Variants in ENOX1 observed in about 807,000 individuals in gnomAD.
The protein encoded by ENOX1 is ecto-NOX disulfide-thiol exchanger 1, also known as candidate growth-related and time keeping constitutive hydroquinone (NADH) oxidase.
A neutral mutation model predicts 82.5 loss-of-function variants in ENOX1; 42 were observed. That is an observed-to-expected ratio of 0.51 (90% confidence interval 0.40 to 0.66). The LOEUF (loss-of-function observed/expected upper bound fraction) is 0.66, where lower values mean the gene tolerates loss of function less well. Among genes scored for constraint, ENOX1 ranks in the 30% least tolerant of loss-of-function variants. ENOX1 has a pLI of 0.00. For missense variants in ENOX1, 608 were observed against 811.6 expected (o/e 0.75, Z 3.05); for synonymous variants, 271 against 282.2 (o/e 0.96, Z 0.40).
intron 11 of ENOX1, among the ~76,000 whole-genome samples, chr13:43,300,636 G>C (rs2046518292): frequency 6.6e-6 from 1 of 152,192 alleles, no homozygotes; most frequent in South Asian, 2.1e-4. Context: ...GAGAGAAAGG[G>C]AATCCACGTC....
intron 2 of ENOX1, among the ~76,000 whole-genome samples, chr13:43,485,369 C>G (rs1053282044): frequency 2.0e-5 from 3 of 152,174 alleles, no homozygotes; most frequent in Admixed American, 6.5e-5. Context: ...AGACTTTTGT[C>G]TGTCCTGAAC....
intron 9 of ENOX1, among the ~76,000 whole-genome samples, chr13:43,340,923 G>A (rs761643011): frequency 6.6e-6 from 1 of 152,120 alleles, no homozygotes; most frequent in Non-Finnish European, 1.5e-5. Context: ...CTCTTCCTTT[G>A]TGATGCCTGC....
intron 1 of ENOX1, among the ~76,000 whole-genome samples, chr13:43,684,555 T>C (rs890231321): frequency 2.0e-5 from 3 of 152,148 alleles, no homozygotes; most frequent in African/African-American, 7.2e-5. Context: ...ATCAGTCCCA[T>C]GATAGCACCT....
chr13:43,429,973 GTTC>G (rs1389399408), intron 3 of ENOX1, among the ~76,000 whole-genome samples: 5 of 152,272 alleles, frequency 3.3e-5, no homozygotes, highest in South Asian at 4.1e-4. Flanking sequence ...ACAGTTTTAT[GTTC>G]TTATTTTATG....
At chr13:43,512,269 C>A (rs1217625299) in intron 2 of ENOX1, among the ~76,000 whole-genome samples, 1 of 152,024 alleles carries the variant, frequency 6.6e-6, no homozygotes, top group African/African-American at 2.4e-5. Context: ...TTCTAATTAC[C>A]CAGCACGGTT....
At chr13:43,507,713 T>C (rs754177485) in intron 2 of ENOX1, among the ~76,000 whole-genome samples, 3 of 152,028 alleles carry the variant, frequency 2.0e-5, no homozygotes, top group Non-Finnish European at 4.4e-5. Flanking sequence ...AAGATGCCTG[T>C]GTACCAGTTA....
chr13:43,475,243 C>T (rs2058230565), intron 3 of ENOX1, among the ~76,000 whole-genome samples: 1 of 152,114 alleles, frequency 6.6e-6, no homozygotes, highest in African/African-American at 2.4e-5. Context: ...TACTTAAAAA[C>T]ATATGTGAGC....
At chr13:43,291,508 C>T (rs534568002) in intron 12 of ENOX1, among the ~76,000 whole-genome samples, 1 of 152,308 alleles carries the variant, frequency 6.6e-6, no homozygotes, top group South Asian at 2.1e-4. Flanking sequence ...GCTATCTTCA[C>T]TCCAAAGTGT....
chr13:43,752,415 T>C (rs1005226271), intron 1 of ENOX1, among the ~76,000 whole-genome samples: 4 of 152,230 alleles, frequency 2.6e-5, no homozygotes, highest in Non-Finnish European at 4.4e-5. Flanking sequence ...TGTTCTTCTA[T>C]GAATTGCACT....
chr13:43,616,292 T>G (rs1405598224), intron 2 of ENOX1, among the ~76,000 whole-genome samples: 1 of 130,286 alleles, frequency 7.7e-6, no homozygotes, highest in Admixed American at 8.1e-5. Context: ...AACCTCTAAC[T>G]CCTGGGTTCA....
intron 5 of ENOX1, among the ~76,000 whole-genome samples, chr13:43,385,763 G>A (rs934771090): frequency 5.3e-5 from 8 of 152,128 alleles, no homozygotes; most frequent in African/African-American, 1.9e-4. Flanking sequence ...AAATTGGAAG[G>A]AAATACATCA....
At chr13:43,236,550 A>T in intron 15 of ENOX1, 86 bp downstream of exon 15, 1 of 782,666 alleles carries the variant, frequency 1.3e-6, no homozygotes, top group Non-Finnish European at 1.9e-6. Context: ...AATGCTGTTT[A>T]AATTAATAAG....
chr13:43,337,764 CACTTAG>C (rs989479607), intron 9 of ENOX1, among the ~76,000 whole-genome samples: 2 of 152,116 alleles, frequency 1.3e-5, no homozygotes, highest in Non-Finnish European at 2.9e-5. Flanking sequence ...CACACACACA[CACTTAG>C]AAAGCAAACT....
At chr13:43,441,583 G>T (rs2056358269) in intron 3 of ENOX1, among the ~76,000 whole-genome samples, 1 of 152,054 alleles carries the variant, frequency 6.6e-6, no homozygotes, top group Non-Finnish European at 1.5e-5. Context: ...CTTCTAAACA[G>T]ATTTTAATTT....
At chr13:43,767,226 G>A (rs1951331321) in intron 1 of ENOX1, among the ~76,000 whole-genome samples, 1 of 152,200 alleles carries the variant, frequency 6.6e-6, no homozygotes, top group African/African-American at 2.4e-5. Flanking sequence ...TCAGTATAAA[G>A]AGACAGGAGC....
At chr13:43,267,653 G>A (rs189383379) in intron 13 of ENOX1, among the ~76,000 whole-genome samples, 29 of 152,274 alleles carry the variant, frequency 1.9e-4, no homozygotes, top group Admixed American at 9.2e-4. Context: ...GAGGTGAGAG[G>A]TGTCATCAGT....
At chr13:43,474,194 AG>A (rs1459190393) in intron 3 of ENOX1, among the ~76,000 whole-genome samples, 3 of 152,118 alleles carry the variant, frequency 2.0e-5, no homozygotes, top group Non-Finnish European at 4.4e-5. Context: ...CAAGATAGCG[AG>A]GGTTTTTGTT....
chr13:43,663,693 G>A (rs536584971), intron 2 of ENOX1, among the ~76,000 whole-genome samples: 5 of 148,160 alleles, frequency 3.4e-5, no homozygotes, highest in East Asian at 3.9e-4. Flanking sequence ...ATGAACAAAC[G>A]AATGAACAAA....
At chr13:43,748,927 C>T (rs1178817891) in intron 1 of ENOX1, among the ~76,000 whole-genome samples, 2 of 152,070 alleles carry the variant, frequency 1.3e-5, no homozygotes, top group South Asian at 2.1e-4. Context: ...TTTTTTTGTA[C>T]CACTTACAAG....
Sources: allele counts gnomAD v4.1 joint callset (sites outside exome capture counted in the v4.1 genomes callset), GRCh38; gene constraint gnomAD v4.1.1; transcripts MANE v1.5; gene names NCBI Gene and HGNC (gene_info 2026-07-23, HGNC 2026-07-21).